Variants in SF3A3 observed in about 807,000 individuals in gnomAD.
SF3A3 encodes the protein SAP 61.
SF3A3 carries 9 observed loss-of-function variants against 85.8 expected under a neutral mutation model. The observed-to-expected ratio is 0.10, with a 90% CI of 0.06 to 0.18. The LOEUF (loss-of-function observed/expected upper bound fraction) is 0.18, where lower values mean the gene tolerates loss of function less well. SF3A3 is among the 10% of genes least tolerant of loss of function. SF3A3 has a pLI of 1.00. For missense variants in SF3A3, 306 were observed against 593.3 expected, an observed-to-expected ratio of 0.52 and a Z score of 5.03; for synonymous variants, 195 against 204.4, an observed-to-expected ratio of 0.95 and a Z score of 0.39.
intron 15 of SF3A3, among the ~76,000 whole-genome samples, chr1:37,961,862 G>A (rs1443895165): frequency 6.6e-6 from 1 of 150,406 alleles, no homozygotes; most frequent in African/African-American, 2.4e-5. Flanking sequence ...TGGGCGGGCA[G>A]ATCACCTGAG....
At chr1:37,981,168 A>G (rs1435776410) in intron 7 of SF3A3, among the ~76,000 whole-genome samples, 1 of 152,114 alleles carries the variant, frequency 6.6e-6, no homozygotes, top group Non-Finnish European at 1.5e-5. Context: ...TTTTAAATGA[A>G]CTTACAATGG....
rs1157311771 is a variant in SF3A3 at position 37,957,509 on chromosome 1, T to C, written c.*677A>G. On this transcript the variant is annotated 3_prime_UTR_variant, in exon 17 of 17. Coordinates refer to ENST00000373019, the MANE Select transcript of SF3A3 (RefSeq NM_006802.4). ...GCTGGGACTACAGTGCGTGCCACCA[T>C]GCCTTTTTTTTTTTTTTAATGAGAC... 1 of 57,638 alleles carries C rather than the reference T, an allele frequency of 1.7e-5. No individual in the cohort carries two copies. The highest frequency in any genetic ancestry group is 9.0e-4 in the East Asian group (1 of 1,114). The allele number at this position is 57,638 out of a possible 1,614,324, so 3.6% of individuals were successfully genotyped here.
At position 37,984,688 on chromosome 1, in the gene SF3A3, A is replaced by C. The variant is rs1281427302; in HGVS notation, c.376+19T>G. On this transcript the variant is annotated intron_variant, in intron 5 of 16. Coordinates refer to ENST00000373019, the MANE Select transcript of SF3A3 (RefSeq NM_006802.4). ...CTGTATTTTTGCTGGTGCTGAATGAAATTTTCACCCCTACTTACTTTGTGC... is the reference window on the plus strand; with the variant it reads ...CTGTATTTTTGCTGGTGCTGAATGACATTTTCACCCCTACTTACTTTGTGC... The C allele has an allele frequency of 1.3e-6, 2 of 1,568,680 alleles. No homozygotes were observed. The highest frequency in any genetic ancestry group is 1.8e-6 in the Non-Finnish European group (2 of 1,138,838).
intron 15 of SF3A3, among the ~76,000 whole-genome samples, chr1:37,964,656 G>A (rs954376409): frequency 3.3e-5 from 5 of 152,010 alleles, no homozygotes; most frequent in African/African-American, 1.2e-4. Flanking sequence ...AAGAAGTAAA[G>A]AAAAAGGCTG....
rs545405460 is a variant in SF3A3, at chr1:37,971,625, T to C, written c.1006-1890A>G. Among the ~76,000 whole-genome samples, 32 of 152,294 alleles carry C rather than the reference T, an allele frequency of 2.1e-4. 1 individual carries two copies. In the South Asian group the frequency reaches 6.0e-3, roughly 29 times the overall value. ...AATCCTCAATAAAATACTGGCAAAC[T>C]GAATCCAGCAGCACATCAAAAACTT... On this transcript the variant is annotated intron_variant, in intron 12 of 16. Coordinates refer to ENST00000373019, the MANE Select transcript of SF3A3 (RefSeq NM_006802.4).
rs1175184901 is a variant in SF3A3, at chr1:37,967,781, G to A, written c.1372+263C>T. Reference sequence around the variant, plus strand: ...AGGCTGAGGCAGGAGAATCGCTTGCGCCCGGGAGGCAGAGGTTGCAGTGGG... The same window carrying A: ...AGGCTGAGGCAGGAGAATCGCTTGCACCCGGGAGGCAGAGGTTGCAGTGGG... On this transcript the variant is annotated intron_variant, in intron 15 of 16. Coordinates refer to ENST00000373019, the MANE Select transcript of SF3A3 (RefSeq NM_006802.4). Among the ~76,000 whole-genome samples, 10 of 148,956 alleles carry A rather than the reference G, an allele frequency of 6.7e-5. No homozygotes were observed. In the East Asian group the frequency reaches 1.6e-3, roughly 24 times the overall value.
At chr1:37,969,300 A>T in intron 14 of SF3A3, 54 bp downstream of exon 14, 1 of 1,341,868 alleles carries the variant, frequency 7.5e-7, no homozygotes, top group East Asian at 2.3e-5. Context: ...CTTTTCTCTA[A>T]AAGTCTCATG....
chr1:37,965,909 T>C (rs918573837), intron 15 of SF3A3, among the ~76,000 whole-genome samples: 39 of 151,996 alleles, frequency 2.6e-4, no homozygotes, highest in African/African-American at 9.4e-4. Context: ...GAAAAGAATA[T>C]AAAAAGCCGG....
At position 37,987,769 on chromosome 1, in the gene SF3A3, G is replaced by A. The variant is rs753914372; in HGVS notation, c.197+15C>T. 9 of 1,611,134 alleles carry A rather than the reference G, an allele frequency of 5.6e-6. No homozygotes were observed. Among genetic ancestry groups the A allele is most frequent in the Non-Finnish European group, 4.2e-6 (5 of 1,177,298 alleles). On this transcript the variant is annotated intron_variant, in intron 3 of 16. Transcript: ENST00000373019. ...AGAAGCACTAACTCCTGGATTAGCT[G>A]TGACTGTCACTTACCCATCCTTATC...
At chr1:37,963,722 A>C (rs1646278476) in intron 15 of SF3A3, among the ~76,000 whole-genome samples, 1 of 150,998 alleles carries the variant, frequency 6.6e-6, no homozygotes, top group Admixed American at 6.6e-5. Flanking sequence ...ACGTCCGACT[A>C]ATTTTTTGTA....
chr1:37,961,438 G>A (rs1646257038), intron 15 of SF3A3, among the ~76,000 whole-genome samples: 2 of 151,860 alleles, frequency 1.3e-5, no homozygotes. Context: ...TACAAAATTA[G>A]CCGAGCGTGG....
chr1:37,982,222 G>C (rs1646424157), intron 6 of SF3A3, among the ~76,000 whole-genome samples: 1 of 152,144 alleles, frequency 6.6e-6, no homozygotes, highest in South Asian at 2.1e-4. Context: ...CAACAAAACA[G>C]ACAAGGGATC....
intron 15 of SF3A3, among the ~76,000 whole-genome samples, chr1:37,965,098 C>CA (rs1227471881): frequency 6.6e-6 from 1 of 151,730 alleles, no homozygotes; most frequent in African/African-American, 2.4e-5. Context: ...GCGAAGGTTG[C>CA]AGTGAGCCGA....
intron 2 of SF3A3, 111 bp from the exon 3 acceptor site, chr1:37,987,947 A>G: frequency 1.2e-6 from 1 of 852,120 alleles, no homozygotes; most frequent in South Asian, 1.4e-5. Flanking sequence ...AGAGACATGG[A>G]TATGAGATAG....
At chr1:37,988,898 T>A (rs111393518) in intron 2 of SF3A3, among the ~76,000 whole-genome samples, 1 of 93,834 alleles carries the variant, frequency 1.1e-5, no homozygotes, top group African/African-American at 3.4e-5. Flanking sequence ...TATATATATT[T>A]TTTTTTTCAT....
In SF3A3 at chr1:37,976,155, CAAA is replaced by C. The variant is rs11312772; in HGVS notation, c.1005+726_1005+728del. Among the ~76,000 whole-genome samples the C allele has an allele frequency of 6.9e-4, 99 of 142,582 alleles. 1 individual carries two copies. In the South Asian group the frequency reaches 8.4e-3, roughly 12 times the overall value. The allele number at this position is 142,582 out of a possible 152,430, so 93.5% of individuals were successfully genotyped here. A position where few individuals can be genotyped will look rare whatever the true frequency, so the allele number is the denominator to read the frequency against. ...TGGGTGACAGAGCAAGACTCTGTCT[CAAA>C]AAAAAAAAAAAAACTGTACACAGCA... On this transcript the variant is annotated intron_variant, in intron 12 of 16. Transcript: ENST00000373019.
At chr1:37,984,530 C>T (rs189693497) in intron 5 of SF3A3, among the ~76,000 whole-genome samples, 177 bp downstream of exon 5, 4 of 152,286 alleles carry the variant, frequency 2.6e-5, no homozygotes, top group Admixed American at 6.5e-5. Flanking sequence ...TAGGAGAGAA[C>T]AAAATGAACA....
At chr1:37,960,730 A>G (rs977791396) in intron 15 of SF3A3, 2 of 152,238 alleles carry the variant, frequency 1.3e-5, no homozygotes, top group African/African-American at 2.4e-5. Context: ...AGCTCACTGC[A>G]AGCTCCGCCT....
rs574710475 is a variant in SF3A3 at position 37,957,909 on chromosome 1, T to C, written c.*277A>G. On this transcript the variant is annotated 3_prime_UTR_variant, in exon 17 of 17. Transcript: ENST00000373019. ...TAGTAAAGTTGGTGAGGAAGAGGTA[T>C]GGAGGCGTTAAGACCTGAAGCACTG... 2.1e-5 allele frequency: 8 copies of C among 388,228 alleles called. No individual in the cohort carries two copies. In the South Asian group the frequency reaches 3.6e-4, roughly 17 times the overall value. The allele number at this position is 388,228 out of a possible 1,614,324, so 24.0% of individuals were successfully genotyped here.
Sources: allele counts gnomAD v4.1 joint callset (sites outside exome capture counted in the v4.1 genomes callset), GRCh38; gene constraint gnomAD v4.1.1; transcripts MANE v1.5; gene names NCBI Gene and HGNC (gene_info 2026-07-23, HGNC 2026-07-21).